The following MICALL1 variants were observed in gnomAD, a reference collection of about 807,000 sequenced individuals.
The protein encoded by MICALL1 is MICAL-like protein 1.
In MICALL1, 61 loss-of-function variants were observed where a neutral mutation model predicts 83.7. The observed-to-expected ratio is 0.73, with a 90% confidence interval of 0.59 to 0.90. The LOEUF (loss-of-function observed/expected upper bound fraction) is 0.90, where lower values mean the gene tolerates loss of function less well. MICALL1 is among the 40% of genes least tolerant of loss of function. The pLI, the probability that MICALL1 is intolerant of heterozygous loss-of-function variation, is 0.00. For synonymous variants in MICALL1, 481 were observed against 473.6 expected (o/e 1.02, Z -0.20); for missense variants, 1,066 against 1,152.0 (o/e 0.93, Z 1.08).
chr22:37,930,825 T>C lies in MICALL1; in HGVS notation c.1882-974T>C, dbSNP rs1027597274. Among the ~76,000 whole-genome samples the C allele has an allele frequency of 2.0e-5, 3 of 152,206 alleles. No individual in the cohort carries two copies. The highest frequency in any genetic ancestry group is 6.5e-5 in the Admixed American group (1 of 15,284). Reference sequence around the variant, plus strand: ...GGGAGGGAGGTACCCTCTGACTCCATCTGCTGGTCAAACACTTCCTGGCTG... The same window carrying C: ...GGGAGGGAGGTACCCTCTGACTCCACCTGCTGGTCAAACACTTCCTGGCTG... On this transcript the variant is annotated intron_variant, in intron 9 of 15. Coordinates refer to ENST00000215957, the MANE Select transcript of MICALL1 (RefSeq NM_033386.4). The surrounding 1 kb of genome is among the most constrained non-coding windows in gnomAD (Gnocchi z 4.8).
At chr22:37,916,125 C>T (rs1928661545) in intron 3 of MICALL1, among the ~76,000 whole-genome samples, 1 of 152,194 alleles carries the variant, frequency 6.6e-6, no homozygotes, top group Admixed American at 6.5e-5. Context: ...TGGTGGTACG[C>T]AGCTCATTCG....
intron 3 of MICALL1, among the ~76,000 whole-genome samples, chr22:37,915,444 A>C (rs1483509672): frequency 6.6e-6 from 1 of 152,110 alleles, no homozygotes; most frequent in Admixed American, 6.6e-5. Flanking sequence ...AGGCAGTCTA[A>C]GGTTGGGGTT....
At chr22:37,933,875 C>A (rs1332737824) in intron 13 of MICALL1, among the ~76,000 whole-genome samples, 5 of 152,214 alleles carry the variant, frequency 3.3e-5, no homozygotes, top group Admixed American at 3.3e-4. Flanking sequence ...GGGCTTCCAT[C>A]CATGTCTCTG....
At chr22:37,926,076 C>A in intron 8 of MICALL1, 33 bp downstream of exon 8, 2 of 1,545,312 alleles carry the variant, frequency 1.3e-6, no homozygotes, top group Non-Finnish European at 8.7e-7. Flanking sequence ...TCCTGACAGT[C>A]GGAACTCGGG....
At chr22:37,909,343 C>T (rs1320149578) in intron 1 of MICALL1, among the ~76,000 whole-genome samples, 9 of 151,144 alleles carry the variant, frequency 6.0e-5, no homozygotes, top group African/African-American at 2.2e-4. Flanking sequence ...CGTGAGCCAC[C>T]ATGCCTGGCC....
intron 4 of MICALL1, among the ~76,000 whole-genome samples, 182 bp downstream of exon 4, chr22:37,917,977 G>A (rs1028829706): frequency 3.3e-5 from 5 of 152,340 alleles, no homozygotes; most frequent in Admixed American, 3.3e-4. Context: ...GGGCAGTGAG[G>A]CATGGGTCAG....
chr22:37,924,845 A>C lies in MICALL1; in HGVS notation c.1082+128A>C, dbSNP rs1929321477. 1 of 868,516 alleles carries C rather than the reference A, an allele frequency of 1.2e-6. No individual in the cohort carries two copies. The highest frequency in any genetic ancestry group is 1.7e-5 in the African/African-American group (1 of 58,098). 53.8% of individuals were successfully genotyped at this position (868,516 alleles called of 1,614,324 possible). ...GGGCGGGGCTCAGGAGGGGAAGGAGAGCTGGGCCCACACCCCTTCTCCTGA... is the reference window on the plus strand; with the variant it reads ...GGGCGGGGCTCAGGAGGGGAAGGAGCGCTGGGCCCACACCCCTTCTCCTGA... On this transcript the variant is annotated intron_variant, in intron 7 of 15. Transcript: ENST00000215957. This position sits in a 1 kb window ranked among gnomAD's most constrained non-coding sequence, Gnocchi z 5.2.
Position 37,912,388 on chromosome 22 carries a change from C to T in MICALL1, c.233C>T (p.Ala78Val). 1 of 1,613,814 alleles carries T rather than the reference C, an allele frequency of 6.2e-7. No homozygotes were observed. The highest frequency in any genetic ancestry group is 2.2e-5 in the East Asian group (1 of 44,874). The change falls in exon 3 of 16, where the codon GCT becomes GTT. Residue 78 changes from alanine to valine, a missense_variant. Ala to Val is a moderately conservative substitution (Grantham distance 64). Transcript: ENST00000215957. ...EVAEKELGIP[A>V]LLDPNDMVSM... The stretch of plus-strand genomic sequence containing the variant: ...GCTGAGAAGGAGCTGGGGATCCCCG[C>T]TCTCCTGGACCCCAATGACATGGTC...
Position 37,924,593 on chromosome 22 carries a change from GC to G in MICALL1, c.1025-66del, listed in dbSNP as rs1357367333. ...CGCTCCTGGGGAGGCAGGTGCTGTG[GC>G]TGGCTCCCTGGGTGCCCACCTCCTG... is the stretch of plus-strand genomic sequence containing the variant. On this transcript the variant is annotated intron_variant, in intron 6 of 15. Coordinates refer to ENST00000215957, the MANE Select transcript of MICALL1 (RefSeq NM_033386.4). The surrounding 1 kb of genome is among the most constrained non-coding windows in gnomAD (Gnocchi z 5.2). 1 of 1,524,414 alleles carries G rather than the reference GC, an allele frequency of 6.6e-7. No homozygotes were observed. The highest frequency in any genetic ancestry group is 1.7e-5 in the Admixed American group (1 of 57,426). The allele number at this position is 1,524,414 out of a possible 1,614,324, so 94.4% of individuals were successfully genotyped here.
Position 37,911,936 on chromosome 22 carries a change from C to T in MICALL1, c.147-16C>T, listed in dbSNP as rs757547689. ...CCTCCCCTCTTGACCAACCCTCCTC[C>T]CTTTGCCTCTTGCAGAGATTTTGAT... On this transcript the variant is annotated splice_polypyrimidine_tract_variant and intron_variant, in intron 1 of 15. Transcript: ENST00000215957. 39 of 1,613,946 alleles carry T rather than the reference C, an allele frequency of 2.4e-5. No individual in the cohort carries two copies. Among genetic ancestry groups the T allele is most frequent in the Non-Finnish European group, 2.7e-5 (32 of 1,179,914 alleles).
In MICALL1 at chr22:37,925,729, C is replaced by T; in HGVS notation, c.1151C>T (p.Ala384Val). 1.9e-6 allele frequency: 3 copies of T among 1,611,796 alleles called. No individual in the cohort carries two copies. The highest frequency in any genetic ancestry group is 1.7e-6 in the Non-Finnish European group (2 of 1,179,690). The change falls in exon 8 of 16, where the codon GCC becomes GTC. Residue 384 changes from alanine (A) to valine (V), a missense_variant. Physicochemically the swap from Ala to Val is moderately conservative, Grantham distance 64. Coordinates refer to ENST00000215957, the MANE Select transcript of MICALL1 (RefSeq NM_033386.4). ...LVQAEPKKKP[A>V]PLPPSSSPGP... ...CAGGCAGAACCAAAGAAGAAGCCAG[C>T]CCCACTTCCCCCAAGCAGCAGCCCG...
intron 13 of MICALL1, among the ~76,000 whole-genome samples, chr22:37,934,061 G>T (rs1365864186): frequency 6.6e-6 from 1 of 152,240 alleles, no homozygotes; most frequent in South Asian, 2.1e-4. Flanking sequence ...GCTGGGGCGT[G>T]GCCACCACTC....
In MICALL1 at chr22:37,924,817, G is replaced by C; in HGVS notation, c.1082+100G>C. The stretch of plus-strand genomic sequence containing the variant: ...AGGGAGAGAGGCTTCCTGTGGATGG[G>C]CAGGGCGGGGCTCAGGAGGGGAAGG... On this transcript the variant is annotated intron_variant, in intron 7 of 15. Transcript: ENST00000215957. This position sits in a 1 kb window ranked among gnomAD's most constrained non-coding sequence, Gnocchi z 5.2. The C allele has an allele frequency of 8.4e-7, 1 of 1,187,016 alleles. No individual in the cohort carries two copies. Among genetic ancestry groups the C allele is most frequent in the Non-Finnish European group, 1.2e-6 (1 of 828,252 alleles). The allele number at this position is 1,187,016 out of a possible 1,614,324, so 73.5% of individuals were successfully genotyped here.
At chr22:37,922,601 A>ATATATATATAT (rs1432520739) in intron 6 of MICALL1, among the ~76,000 whole-genome samples, 175 bp downstream of exon 6, 3 of 31,940 alleles carry the variant, frequency 9.4e-5, no homozygotes, top group Non-Finnish European at 1.9e-4. Context: ...ATATATATAT[A>ATATATATATAT]TTTTTTTTTT....
rs1393687463 is a variant in MICALL1, at chr22:37,941,614, T to C, written c.*784T>C. 1 of 152,350 alleles carries C rather than the reference T, an allele frequency of 6.6e-6. No individual in the cohort carries two copies. The highest frequency in any genetic ancestry group is 6.5e-5 in the Admixed American group (1 of 15,280). The allele number at this position is 152,350 out of a possible 1,614,324, so 9.4% of individuals were successfully genotyped here. Reference sequence around the variant, plus strand: ...TGGTTGTCAGGTAGGAAGGGTGCACTTGAAGCAGGTGCTCATCTCGGTTCC... The same window carrying C: ...TGGTTGTCAGGTAGGAAGGGTGCACCTGAAGCAGGTGCTCATCTCGGTTCC... On this transcript the variant is annotated 3_prime_UTR_variant, in exon 16 of 16. Transcript: ENST00000215957.
Position 37,906,438 on chromosome 22 carries a change from G to C in MICALL1, c.16G>C (p.Gly6Arg). ...CCGCGGGGTCATGGCTGGGCCGCGG[G>C]GCGCGCTGCTGGCCTGGTGCCGCCG... MAGPR[G>R]ALLAWCRRQC... Residue 6 changes from glycine to arginine, a missense_variant, in exon 1 of 16, where the codon GGC (glycine) becomes CGC (arginine). Transcript: ENST00000215957. This position sits in a 1 kb window ranked among gnomAD's most constrained non-coding sequence, Gnocchi z 4.4. 8.6e-7 allele frequency: 1 copy of C among 1,162,758 alleles called. No individual in the cohort carries two copies. Among genetic ancestry groups the C allele is most frequent in the Non-Finnish European group, 1.1e-6 (1 of 943,292 alleles). 72.0% of individuals were successfully genotyped at this position (1,162,758 alleles called of 1,614,324 possible).
chr22:37,912,234 C>A, intron 2 of MICALL1, 117 bp from the exon 3 acceptor site: 1 of 1,303,450 alleles, frequency 7.7e-7, no homozygotes. Flanking sequence ...CTGAGGGGAG[C>A]CCACAGTCAC....
At position 37,932,874 on chromosome 22, in the gene MICALL1, C is replaced by T. The variant is rs144941788; in HGVS notation, c.2220C>T (p.Ser740=). The T allele has an allele frequency of 9.7e-5, 157 of 1,614,100 alleles. No homozygotes were observed. The East Asian group carries it at 1.4e-3, about 15-fold the overall frequency. ...AGCACCTACTGGTGCGGCGAGAGTC[C>T]GAGCTCATCTATGTGTGAGTCCCCC... ...HEKHLLVRRE[S]ELIYVFKQQN... is the part of the protein sequence containing the mutation. The change falls in exon 12 of 16, where the codon TCC becomes TCT. Residue 740 remains serine, a synonymous_variant. Coordinates refer to ENST00000215957, the MANE Select transcript of MICALL1 (RefSeq NM_033386.4). This position sits in a 1 kb window ranked among gnomAD's most constrained non-coding sequence, Gnocchi z 4.4.
chr22:37,928,207 TC>T (rs1297691655), intron 9 of MICALL1, among the ~76,000 whole-genome samples: 6 of 146,632 alleles, frequency 4.1e-5, no homozygotes, highest in South Asian at 2.2e-4. Flanking sequence ...TGCTTGGCCT[TC>T]TTTTTTATTT....
Sources: gnomAD v4.1 joint callset for allele counts (sites outside exome capture counted in the v4.1 genomes callset) on GRCh38, gnomAD v4.1.1 for gene constraint, Gnocchi (gnomAD v3.1) non-coding constraint, MANE v1.5 for transcripts, NCBI Gene and HGNC (gene_info 2026-07-23, HGNC 2026-07-21) for gene names.